HMGN1: variants seen among roughly 807,000 people sequenced by gnomAD.
The protein encoded by HMGN1 is high mobility group nucleosome binding domain 1.
HMGN1 carries 9 observed loss-of-function variants against 18.4 expected under a neutral mutation model. The observed-to-expected ratio is 0.49, with a 90% CI of 0.29 to 0.85. The LOEUF (loss-of-function observed/expected upper bound fraction) is 0.85, where lower values mean the gene tolerates loss of function less well. Among genes scored for constraint, HMGN1 ranks in the 40% least tolerant of loss-of-function variants. HMGN1 has a pLI of 0.07. For synonymous variants in HMGN1, 59 were observed against 45.0 expected (o/e 1.31, Z -1.24); for missense variants, 151 against 119.2 (o/e 1.27, Z -1.24).
At chr21:39,348,191 T>A in intron 4 of HMGN1, 101 bp downstream of exon 4, 1 of 1,419,268 alleles carries the variant, frequency 7.0e-7, no homozygotes, top group South Asian at 1.2e-5. Context: ...ATTATTAAAG[T>A]ATAAATAAAG....
Position 39,348,884 on chromosome 21 carries a change from G to A in HMGN1, c.15+19C>T, listed in dbSNP as rs943010004. ...GCGGCGGCTCCAGGGGGCGTGTGCG[G>A]GCCGCGGCCGCCGCTCACCTTCCTC... On this transcript the variant is annotated intron_variant, in intron 1 of 5. Transcript: ENST00000380749. 2 of 1,139,876 alleles carry A rather than the reference G, an allele frequency of 1.8e-6. No individual in the cohort carries two copies. The highest frequency in any genetic ancestry group is 2.1e-6 in the Non-Finnish European group (2 of 930,528). The allele number at this position is 1,139,876 out of a possible 1,614,324, so 70.6% of individuals were successfully genotyped here. A position where few individuals can be genotyped will look rare whatever the true frequency, so the allele number is the denominator to read the frequency against.
chr21:39,345,400 A>G, intron 4 of HMGN1, 126 bp from the exon 5 acceptor site: 1 of 843,638 alleles, frequency 1.2e-6, no homozygotes, highest in Non-Finnish European at 1.9e-6. Context: ...GTAAGGTTTG[A>G]GAGAGGGACA....
At chr21:39,345,716 A>G (rs1054453080) in intron 4 of HMGN1, 1 of 628,744 alleles carries the variant, frequency 1.6e-6, no homozygotes, top group Non-Finnish European at 2.6e-6. Flanking sequence ...AATGTCATGA[A>G]GTTGAATACC....
rs567038339 is a variant in HMGN1, at chr21:39,349,067, G to A, written c.-150C>T. On this transcript the variant is annotated 5_prime_UTR_variant, in exon 1 of 6. Coordinates refer to ENST00000380749, the MANE Select transcript of HMGN1 (RefSeq NM_004965.7). ...CGCCCGAGCTGCTGAGACCCACAGC[G>A]GGGGCGGTGGGAGAACCGGATGGAA... is the stretch of plus-strand genomic sequence containing the variant. The A allele has an allele frequency of 2.4e-5, 21 of 876,484 alleles. No homozygotes were observed. The highest frequency in any genetic ancestry group is 8.8e-5 in the African/African-American group (5 of 56,698). The allele number at this position is 876,484 out of a possible 1,614,324, so 54.3% of individuals were successfully genotyped here.
Position 39,348,527 on chromosome 21 carries a change from C to A in HMGN1, c.48+18G>T. ...CTCACGGGAAACCCACCACCCCCCGCAGAAGGCCCGCACTCACCTCTTCCT... is the reference window on the plus strand; with the variant it reads ...CTCACGGGAAACCCACCACCCCCCGAAGAAGGCCCGCACTCACCTCTTCCT... On this transcript the variant is annotated intron_variant, in intron 2 of 5. Coordinates refer to ENST00000380749, the MANE Select transcript of HMGN1 (RefSeq NM_004965.7). The A allele has an allele frequency of 6.2e-7, 1 of 1,613,410 alleles. No homozygotes were observed.
chr21:39,347,443 T>C, intron 4 of HMGN1: 1 of 1,293,038 alleles, frequency 7.7e-7, no homozygotes, highest in Non-Finnish European at 1.0e-6. Context: ...GAAATTAATC[T>C]TGCCTCTTCT....
intron 4 of HMGN1, chr21:39,347,793 C>A (rs79444431): frequency 0.018 from 5,741 of 323,740 alleles, 336 homozygotes; most frequent in African/African-American, 0.12. Context: ...TGCTGATGAA[C>A]ACTTCCAGAG....
In HMGN1 at chr21:39,343,019, A is replaced by G; in HGVS notation, c.*93T>C. The G allele has an allele frequency of 7.8e-7, 1 of 1,277,768 alleles. No individual in the cohort carries two copies. Among genetic ancestry groups the G allele is most frequent in the South Asian group, 1.2e-5 (1 of 80,384 alleles). 79.2% of individuals were successfully genotyped at this position (1,277,768 alleles called of 1,614,324 possible). A position where few individuals can be genotyped will look rare whatever the true frequency, so the allele number is the denominator to read the frequency against. On this transcript the variant is annotated 3_prime_UTR_variant, in exon 6 of 6. Coordinates refer to ENST00000380749, the MANE Select transcript of HMGN1 (RefSeq NM_004965.7). ...TAAAAATGTTTCTAGAGCTACTAAA[A>G]AACTTGCATTTACAAAATAGTTGAT...
rs200323679 is a variant in HMGN1 at position 39,345,309 on chromosome 21, C to G, written c.127-35G>C. ...AATAAGAATATATTTTAAGTACATG[C>G]TTTACTCCTTATTTACATTTTGTTT... is the stretch of plus-strand genomic sequence containing the variant. On this transcript the variant is annotated intron_variant, in intron 4 of 5. Transcript: ENST00000380749. 5.3e-5 allele frequency: 84 copies of G among 1,580,440 alleles called. No homozygotes were observed. In the East Asian group the frequency reaches 9.6e-4, roughly 18 times the overall value.
chr21:39,345,830 C>G (rs568810930), intron 4 of HMGN1: 1 of 1,300,490 alleles, frequency 7.7e-7, no homozygotes, highest in Non-Finnish European at 1.0e-6. Context: ...GACCAATCAC[C>G]TGAAAAAAAG....
intron 1 of HMGN1, 46 bp from the exon 2 acceptor site, chr21:39,348,623 G>C (rs1198027129): frequency 6.6e-7 from 1 of 1,525,656 alleles, no homozygotes; most frequent in South Asian, 1.2e-5. Flanking sequence ...GCAGTCCCAG[G>C]ACTCGCGGGC....
chr21:39,344,081 C>G (rs1037680813), intron 5 of HMGN1, among the ~76,000 whole-genome samples: 1 of 151,732 alleles, frequency 6.6e-6, no homozygotes, highest in African/African-American at 2.4e-5. Context: ...ACGGCGAAAC[C>G]CCGTTTCTAC....
chr21:39,344,620 CATT>C (rs2036979136), intron 5 of HMGN1: 1 of 150,330 alleles, frequency 6.7e-6, no homozygotes, highest in Admixed American at 6.5e-5. Flanking sequence ...CCCACTGCTT[CATT>C]AATAAAAAAA....
intron 5 of HMGN1, among the ~76,000 whole-genome samples, chr21:39,344,310 A>T (rs1381078375): frequency 6.6e-6 from 1 of 152,076 alleles, no homozygotes; most frequent in Non-Finnish European, 1.5e-5. Flanking sequence ...AAGTTAAAAA[A>T]ATAAACTGTG....
Position 39,343,015 on chromosome 21 carries a change from T to C in HMGN1, c.*97A>G. 1.6e-6 allele frequency: 2 copies of C among 1,264,950 alleles called. No homozygotes were observed. The allele number at this position is 1,264,950 out of a possible 1,614,324, so 78.4% of individuals were successfully genotyped here. On this transcript the variant is annotated 3_prime_UTR_variant, in exon 6 of 6. Transcript: ENST00000380749. ...TTCTTAAAAATGTTTCTAGAGCTAC[T>C]AAAAAACTTGCATTTACAAAATAGT...
rs1393366746 is a variant in HMGN1 at position 39,348,535 on chromosome 21, C to A, written c.48+10G>T. ...AAACCCACCACCCCCCGCAGAAGGC[C>A]CGCACTCACCTCTTCCTTGGCGGCG... On this transcript the variant is annotated intron_variant, in intron 2 of 5. Coordinates refer to ENST00000380749, the MANE Select transcript of HMGN1 (RefSeq NM_004965.7). 6.2e-7 allele frequency: 1 copy of A among 1,613,774 alleles called. No homozygotes were observed. Among genetic ancestry groups the A allele is most frequent in the Non-Finnish European group, 8.5e-7 (1 of 1,179,838 alleles).
rs2037158862 is a variant in HMGN1, at chr21:39,348,714, C to T, written c.16-137G>A. On this transcript the variant is annotated intron_variant, in intron 1 of 5. Transcript: ENST00000380749. ...CCGTTCGAATAGCCCCCTCAGCTCC[C>T]CCGGCCGCCAAACGTTCCAGAACGC... 14 of 1,180,714 alleles carry T rather than the reference C, an allele frequency of 1.2e-5. 1 individual carries two copies. The East Asian group carries it at 3.6e-4, about 30-fold the overall frequency. 73.1% of individuals were successfully genotyped at this position (1,180,714 alleles called of 1,614,324 possible).
At position 39,345,123 on chromosome 21, in the gene HMGN1, ACAC is replaced by A; in HGVS notation, c.255+20_255+22del. The A allele has an allele frequency of 1.3e-6, 2 of 1,565,542 alleles. No homozygotes were observed. Among genetic ancestry groups the A allele is most frequent in the African/African-American group, 2.7e-5 (2 of 73,142 alleles). The stretch of plus-strand genomic sequence containing the variant: ...AGTCAAAGCAATCACACACACACAC[ACAC>A]ACACACACACACTTCTGACCTCCTC... On this transcript the variant is annotated intron_variant, in intron 5 of 5. Transcript: ENST00000380749.
At position 39,342,394 on chromosome 21, in the gene HMGN1, G is replaced by A. The variant is rs569804737; in HGVS notation, c.*718C>T. The A allele has an allele frequency of 2.6e-4, 46 of 177,106 alleles. No individual in the cohort carries two copies. The highest frequency in any genetic ancestry group is 1.1e-3 in the South Asian group (9 of 8,514). The allele number at this position is 177,106 out of a possible 1,614,324, so 11.0% of individuals were successfully genotyped here. A position where few individuals can be genotyped will look rare whatever the true frequency, so the allele number is the denominator to read the frequency against. ...GTACACAAATCTTAACATACGTAAC[G>A]AAATTCTAAAAAGCCATGTATTGTA... On this transcript the variant is annotated 3_prime_UTR_variant, in exon 6 of 6. Transcript: ENST00000380749.
Sources: allele counts gnomAD v4.1 joint callset (sites outside exome capture counted in the v4.1 genomes callset), GRCh38; gene constraint gnomAD v4.1.1; transcripts MANE v1.5; gene names NCBI Gene and HGNC (gene_info 2026-07-23, HGNC 2026-07-21).